CRACR2A: variants seen among roughly 807,000 people sequenced by gnomAD.
CRACR2A encodes the protein EF-hand calcium-binding domain-containing protein 4B.
Under a neutral mutation model 90.5 loss-of-function variants are expected in CRACR2A, and 79 were observed. The ratio of observed to expected loss-of-function variants is 0.87; its 90% CI spans 0.73 to 1.05. CRACR2A has a LOEUF of 1.05. Ranked by LOEUF, CRACR2A falls within the 50% of genes least tolerant of loss-of-function variation. The pLI, the probability that CRACR2A is intolerant of heterozygous loss-of-function variation, is 0.00. For synonymous variants in CRACR2A, 338 were observed against 356.7 expected (o/e 0.95, Z 0.59); for missense variants, 823 against 897.2 (o/e 0.92, Z 1.06).
intron 15 of CRACR2A, among the ~76,000 whole-genome samples, chr12:3,629,056 T>C (rs895400131): frequency 6.6e-6 from 1 of 152,214 alleles, no homozygotes; most frequent in Non-Finnish European, 1.5e-5. Context: ...GAATGCTTTC[T>C]ATTTCCAGCA....
intron 7 of CRACR2A, among the ~76,000 whole-genome samples, chr12:3,665,835 G>A (rs1431858083): frequency 6.6e-6 from 1 of 152,248 alleles, no homozygotes; most frequent in Non-Finnish European, 1.5e-5. Flanking sequence ...ACATTGAAAA[G>A]TGTTGATGAA....
chr12:3,676,633 G>A (rs779707280), intron 6 of CRACR2A, among the ~76,000 whole-genome samples: 16 of 152,090 alleles, frequency 1.1e-4, no homozygotes, highest in Non-Finnish European at 2.1e-4. Context: ...TGTGAATGAG[G>A]GAATGTGACC....
At chr12:3,685,323 T>G (rs1191230563) in intron 4 of CRACR2A, among the ~76,000 whole-genome samples, 4 of 152,244 alleles carry the variant, frequency 2.6e-5, no homozygotes, top group African/African-American at 9.6e-5. Context: ...AATGGTATGG[T>G]GTCTCCTCAA....
At chr12:3,656,988 G>C (rs1944922020) in intron 8 of CRACR2A, among the ~76,000 whole-genome samples, 1 of 152,216 alleles carries the variant, frequency 6.6e-6, no homozygotes, top group Admixed American at 6.5e-5. Flanking sequence ...TTTAATATCT[G>C]CTCCTTCCCT....
intron 11 of CRACR2A, among the ~76,000 whole-genome samples, chr12:3,646,431 G>A (rs927534016): frequency 9.2e-5 from 14 of 152,208 alleles, no homozygotes; most frequent in Non-Finnish European, 1.5e-4. Flanking sequence ...TGGGCCAGGC[G>A]CTCCGCTAAG....
In CRACR2A at chr12:3,749,626, TC is replaced by T. The variant is rs1230403041; in HGVS notation, c.-387+3388del. Among the ~76,000 whole-genome samples, 22 of 152,176 alleles carry T rather than the reference TC, an allele frequency of 1.4e-4. 1 individual carries two copies. Among genetic ancestry groups the T allele is most frequent in the Admixed American group, 1.4e-3 (22 of 15,278 alleles). On this transcript the variant is annotated intron_variant, in intron 1 of 19. Transcript: ENST00000440314. ...GGTACCGTCTGGCTTTATTGGGACT[TC>T]CCCCTGACCCTGTACTTGGACGGAA...
intron 3 of CRACR2A, among the ~76,000 whole-genome samples, chr12:3,702,424 G>A (rs1945847706): frequency 6.6e-6 from 1 of 152,046 alleles, no homozygotes; most frequent in Non-Finnish European, 1.5e-5. Flanking sequence ...TTCACAAAAA[G>A]CTACTTATAA....
intron 17 of CRACR2A, 25 bp from the exon 18 acceptor site, chr12:3,619,397 C>A: frequency 6.5e-7 from 1 of 1,536,230 alleles, no homozygotes; most frequent in Middle Eastern, 1.7e-4. Flanking sequence ...ATGTTTTCAA[C>A]TGAGAGGGGT....
chr12:3,720,460 A>AAAGAAAGAAAGC (rs1565501242), intron 2 of CRACR2A, among the ~76,000 whole-genome samples: 1 of 147,638 alleles, frequency 6.8e-6, no homozygotes, highest in Non-Finnish European at 1.5e-5. Flanking sequence ...AGAAAGAAAG[A>AAAGAAAGAAAGC]AAGAAAGCAA....
intron 2 of CRACR2A, among the ~76,000 whole-genome samples, chr12:3,718,909 A>G (rs1234688462): frequency 1.3e-5 from 2 of 152,150 alleles, no homozygotes; most frequent in Non-Finnish European, 2.9e-5. Flanking sequence ...AAGAAGCTGG[A>G]GGTCCTACTT....
intron 19 of CRACR2A, among the ~76,000 whole-genome samples, chr12:3,616,610 G>A (rs2137260518): frequency 6.6e-6 from 1 of 152,310 alleles, no homozygotes; most frequent in Non-Finnish European, 1.5e-5. Flanking sequence ...TAAGACATCA[G>A]CCAGTGCTGA....
intron 7 of CRACR2A, among the ~76,000 whole-genome samples, chr12:3,663,692 T>C (rs982404891): frequency 2.7e-4 from 41 of 152,200 alleles, no homozygotes; most frequent in African/African-American, 9.7e-4. Context: ...AGTGTATGAG[T>C]TGGACTTGTG....
intron 18 of CRACR2A, among the ~76,000 whole-genome samples, chr12:3,617,863 G>C (rs1450180025): frequency 6.6e-6 from 1 of 152,120 alleles, no homozygotes; most frequent in African/African-American, 2.4e-5. Context: ...GCTCTGCCAT[G>C]CTCCCAGTGC....
intron 2 of CRACR2A, among the ~76,000 whole-genome samples, chr12:3,720,423 GAAAGAAAGAAAGAAAGAAAGAAA>G: frequency 1.3e-5 from 1 of 78,258 alleles, no homozygotes; most frequent in African/African-American, 5.0e-5. Context: ...GAGGAAGAAA[GAAAGAAAGAAAGAAAGAAAGAAA>G]GAAAGAAAGA....
chr12:3,720,206 GGA>G (rs1241545381), intron 2 of CRACR2A, among the ~76,000 whole-genome samples: 1 of 79,034 alleles, frequency 1.3e-5, no homozygotes, highest in Non-Finnish European at 2.3e-5. Context: ...AGGGAGGGAG[GGA>G]GAGAGAAGAA....
intron 10 of CRACR2A, 67 bp from the exon 11 acceptor site, chr12:3,648,680 C>T (rs1351982143): frequency 1.9e-6 from 3 of 1,558,780 alleles, no homozygotes. Context: ...ACCCCTCATG[C>T]TGGAGACCAG....
At chr12:3,748,378 A>T (rs1405271503) in intron 1 of CRACR2A, among the ~76,000 whole-genome samples, 1 of 152,010 alleles carries the variant, frequency 6.6e-6, no homozygotes, top group Non-Finnish European at 1.5e-5. Context: ...CTGCCCCATA[A>T]ATGCCTCCCT....
rs969011313 is a variant in CRACR2A, at chr12:3,638,324, G to A, written c.1402C>T (p.Leu468Phe). 29 of 1,551,128 alleles carry A rather than the reference G, an allele frequency of 1.9e-5. No homozygotes were observed. Among genetic ancestry groups the A allele is most frequent in the Middle Eastern group, 3.3e-4 (2 of 6,014 alleles). The change falls in exon 14 of 20, where the codon CTC becomes TTC. Residue 468 changes from leucine to phenylalanine, a missense_variant. Transcript: ENST00000440314. ...PGPGGPYPRP[L>F]RRIISVEEDP... ...TCTTCAACGGAGATGATTCTGCGGA[G>A]CGGCCGGGGGTACGGACCCCCAGGC... is the stretch of plus-strand genomic sequence containing the variant.
intron 7 of CRACR2A, among the ~76,000 whole-genome samples, chr12:3,671,606 C>T (rs952567104): frequency 2.6e-5 from 4 of 152,164 alleles, no homozygotes; most frequent in East Asian, 1.9e-4. Context: ...GCCAATGTTG[C>T]GGGTCCATGG....
Sources: allele counts gnomAD v4.1 joint callset (sites outside exome capture counted in the v4.1 genomes callset), GRCh38; gene constraint gnomAD v4.1.1; transcripts MANE v1.5; gene names NCBI Gene and HGNC (gene_info 2026-07-23, HGNC 2026-07-21).